PHKA1: variants seen among roughly 807,000 people sequenced by gnomAD.
PHKA1 encodes phosphorylase kinase regulatory subunit alpha 1, also known as phosphorylase b kinase regulatory subunit alpha, skeletal muscle isoform.
Under a neutral mutation model 110.2 loss-of-function variants are expected in PHKA1, and 60 were observed. That is an observed-to-expected ratio of 0.54 (90% confidence interval 0.44 to 0.68). The LOEUF is 0.68. PHKA1 is among the 30% of genes least tolerant of loss of function. PHKA1 has a pLI of 0.00. For missense variants in PHKA1, 801 were observed against 942.5 expected (o/e 0.85, Z 1.97); for synonymous variants, 316 against 333.6 (o/e 0.95, Z 0.58).
At chrX:72,713,686 A>C (rs2054417888) in intron 1 of PHKA1, 117 bp downstream of exon 1, 1 of 577,681 alleles carries the variant, frequency 1.7e-6, no homozygotes, top group Non-Finnish European at 2.9e-6. Context: ...ACACACACAC[A>C]CACACACACA....
intron 5 of PHKA1, 108 bp downstream of exon 5, chrX:72,684,390 T>TA: frequency 1.9e-6 from 1 of 538,695 alleles, no homozygotes; most frequent in Non-Finnish European, 3.3e-6. Context: ...AGAAGCCTTT[T>TA]AGGTTGGTTC....
rs2053814241 is a variant in PHKA1, at chrX:72,679,196, G to A, written c.538-3046C>T. Among the ~76,000 whole-genome samples the A allele has an allele frequency of 2.7e-5, 3 of 111,710 alleles. No homozygotes were observed. In the South Asian group the frequency reaches 1.1e-3, roughly 42 times the overall value. ...ACTAGAAAACTTCATAATTCAGGGG[G>A]CATGGGGTAGAGTATTCAGAAGTGT... On this transcript the variant is annotated intron_variant, in intron 5 of 31. Coordinates refer to ENST00000373542, the MANE Select transcript of PHKA1 (RefSeq NM_002637.4).
chrX:72,665,013 G>C (rs782040429), intron 8 of PHKA1, among the ~76,000 whole-genome samples: 1 of 110,524 alleles, frequency 9.0e-6, no homozygotes, highest in African/African-American at 3.3e-5. Context: ...CAAGGAATTA[G>C]AAAAGAACAA....
At chrX:72,702,399 G>A (rs782753801) in intron 3 of PHKA1, among the ~76,000 whole-genome samples, 7 of 110,232 alleles carry the variant, frequency 6.4e-5, no homozygotes, top group East Asian at 2.9e-4. Flanking sequence ...GCAGTGAGCC[G>A]AGATCACACC....
At chrX:72,650,580 A>G (rs1380533028) in intron 12 of PHKA1, 112 bp from the exon 13 acceptor site, 1 of 581,018 alleles carries the variant, frequency 1.7e-6, no homozygotes, top group East Asian at 3.6e-5. Flanking sequence ...TTCAAGAGAC[A>G]GGTGTAGAAA....
chrX:72,629,693 GTTC>G (rs1363029797), intron 16 of PHKA1, among the ~76,000 whole-genome samples: 1 of 111,318 alleles, frequency 9.0e-6, no homozygotes, highest in African/African-American at 3.3e-5. Context: ...TTGTACCTCT[GTTC>G]TTCATTTGTC....
chrX:72,636,339 C>G lies in PHKA1; in HGVS notation c.1507G>C (p.Gly503Arg). The G allele has an allele frequency of 8.3e-7, 1 of 1,204,651 alleles. No individual in the cohort carries two copies. The highest frequency in any genetic ancestry group is 3.0e-5 in the East Asian group (1 of 33,811). The change falls in exon 15 of 32, where the codon GGA (glycine) becomes CGA (arginine). Residue 503 changes from glycine to arginine, a missense_variant. Transcript: ENST00000373542. Reference sequence around the variant, plus strand: ...TAGAGTTTTGAAGTTCCAAGCACTCCCATGTGTCTGTAGGGTCGTCCACTG... The same window carrying G: ...TAGAGTTTTGAAGTTCCAAGCACTCGCATGTGTCTGTAGGGTCGTCCACTG... Reference protein sequence around the residue: ...KLSGRPYRHMGVLGTSKLYDI... With the variant: ...KLSGRPYRHMRVLGTSKLYDI...
Position 72,619,194 on chromosome X carries a change from T to TA in PHKA1, c.2229+19dup. 9.9e-6 allele frequency: 10 copies of TA among 1,011,992 alleles called. No individual in the cohort carries two copies. The highest frequency in any genetic ancestry group is 1.3e-5 in the Non-Finnish European group (9 of 714,200). 83.4% of individuals were successfully genotyped at this position (1,011,992 alleles called of 1,213,427 possible). ...CAGTTTTTCAAAAAGCTAATAGAAA[T>TA]ACCTCCTGCACAAATTTACCTGGTT... On this transcript the variant is annotated intron_variant, in intron 20 of 31. Coordinates refer to ENST00000373542, the MANE Select transcript of PHKA1 (RefSeq NM_002637.4).
chrX:72,611,319 A>T (rs1274205713), intron 21 of PHKA1, 135 bp from the exon 22 acceptor site: 1 of 520,418 alleles, frequency 1.9e-6, no homozygotes, highest in Non-Finnish European at 3.3e-6. Flanking sequence ...TTTACTAAGA[A>T]TCCTTATAAA....
At chrX:72,592,614 C>T (rs1451223985) in intron 29 of PHKA1, among the ~76,000 whole-genome samples, 1 of 112,490 alleles carries the variant, frequency 8.9e-6, no homozygotes, top group Non-Finnish European at 1.9e-5. Context: ...TAGTAGTTTT[C>T]ATCCAAGAAA....
At chrX:72,596,916 T>C (rs1048374687) in intron 28 of PHKA1, among the ~76,000 whole-genome samples, 1 of 112,307 alleles carries the variant, frequency 8.9e-6, no homozygotes, top group Admixed American at 9.4e-5. Flanking sequence ...AGGATGGACA[T>C]ATAGATCGAT....
chrX:72,606,770 C>A (rs908117425), intron 23 of PHKA1, among the ~76,000 whole-genome samples: 4 of 110,835 alleles, frequency 3.6e-5, no homozygotes, highest in South Asian at 3.9e-4. Flanking sequence ...TTATTTTGAC[C>A]ATAGTCTCCC....
At chrX:72,597,587 A>G (rs1365962569) in intron 28 of PHKA1, among the ~76,000 whole-genome samples, 1 of 112,127 alleles carries the variant, frequency 8.9e-6, no homozygotes, top group African/African-American at 3.2e-5. Context: ...ACATTTTGTT[A>G]CAGGCATACA....
chrX:72,636,357 G>A lies in PHKA1; in HGVS notation c.1489C>T (p.Arg497Ter), dbSNP rs781989524. 1 of 1,188,878 alleles carries A rather than the reference G, an allele frequency of 8.4e-7. No individual in the cohort carries two copies. Among genetic ancestry groups the A allele is most frequent in the Non-Finnish European group, 1.1e-6 (1 of 874,804 alleles). The stretch of plus-strand genomic sequence containing the variant: ...AGCACTCCCATGTGTCTGTAGGGTC[G>A]TCCACTGAGTTTCATTCTATTGTTG... ...GCNNRMKLSG[R>*]PYRHMGVLGT... Residue 497 changes from arginine to a stop codon, truncating the protein, a stop_gained, in exon 15 of 32, where the codon CGA (arginine) becomes TGA (stop). Transcript: ENST00000373542. LOFTEE classifies it high-confidence loss of function.
intron 23 of PHKA1, among the ~76,000 whole-genome samples, chrX:72,609,101 C>T (rs1556256134): frequency 2.7e-5 from 3 of 112,371 alleles, no homozygotes; most frequent in African/African-American, 9.7e-5. Context: ...TGACTTACAT[C>T]TCCCTCCAGG....
At chrX:72,633,141 A>G (rs978182990) in intron 16 of PHKA1, among the ~76,000 whole-genome samples, 1 of 111,697 alleles carries the variant, frequency 9.0e-6, no homozygotes, top group Non-Finnish European at 1.9e-5. Context: ...GATTCTATCA[A>G]TGCAGCAACA....
intron 3 of PHKA1, among the ~76,000 whole-genome samples, chrX:72,703,836 T>C (rs1236593176): frequency 1.8e-5 from 2 of 112,123 alleles, no homozygotes; most frequent in Admixed American, 1.9e-4. Context: ...ACTTTAGCAA[T>C]CCGGGCCTCA....
At chrX:72,679,164 T>C (rs1427694574) in intron 5 of PHKA1, among the ~76,000 whole-genome samples, 3 of 111,720 alleles carry the variant, frequency 2.7e-5, no homozygotes, top group Non-Finnish European at 5.6e-5. Context: ...CTGTTTCAAC[T>C]AGCCAGACTA....
At chrX:72,628,972 GT>G (rs1569435151) in intron 16 of PHKA1, among the ~76,000 whole-genome samples, 1 of 111,424 alleles carries the variant, frequency 9.0e-6, no homozygotes, top group African/African-American at 3.3e-5. Context: ...AAAAAGTAAA[GT>G]AGCAAGCCTA....
Sources: allele counts gnomAD v4.1 joint callset (sites outside exome capture counted in the v4.1 genomes callset), GRCh38; gene constraint gnomAD v4.1.1; transcripts MANE v1.5; gene names NCBI Gene and HGNC (gene_info 2026-07-23, HGNC 2026-07-21).